The following COP1 variants were observed in gnomAD, a reference collection of about 807,000 sequenced individuals.
COP1 encodes the protein E3 ubiquitin-protein ligase COP1.
In COP1, 24 loss-of-function variants were observed where a neutral mutation model predicts 101.3. The ratio of observed to expected loss-of-function variants is 0.24; its 90% CI spans 0.17 to 0.33. The LOEUF (loss-of-function observed/expected upper bound fraction) is 0.33. Among genes scored for constraint, COP1 ranks in the 10% least tolerant of loss-of-function variants. The pLI is 1.00. For missense variants in COP1, 663 were observed against 906.2 expected (o/e 0.73, Z 3.45); for synonymous variants, 347 against 341.9 (o/e 1.01, Z -0.17).
intron 11 of COP1, among the ~76,000 whole-genome samples, chr1:176,071,765 T>C (rs1677048374): frequency 6.6e-6 from 1 of 152,236 alleles, no homozygotes; most frequent in African/African-American, 2.4e-5. Context: ...TCTACTTTTA[T>C]TTCTTGGATA....
intron 14 of COP1, 67 bp downstream of exon 14, chr1:176,043,119 G>A (rs763529889): frequency 2.5e-5 from 22 of 894,788 alleles, no homozygotes; most frequent in Non-Finnish European, 4.1e-5. Context: ...TATTTCTGCC[G>A]ATGAAAGGAA....
intron 11 of COP1, among the ~76,000 whole-genome samples, chr1:176,062,662 A>G (rs1352532934): frequency 6.6e-6 from 1 of 152,214 alleles, no homozygotes; most frequent in Non-Finnish European, 1.5e-5. Context: ...AAATATAAAC[A>G]TTAATATCCA....
Position 176,162,953 on chromosome 1 carries a change from C to T in COP1, c.678G>A (p.Leu226=), listed in dbSNP as rs1694558857. 14 of 1,607,710 alleles carry T rather than the reference C, an allele frequency of 8.7e-6. No homozygotes were observed. Among genetic ancestry groups the T allele is most frequent in the Non-Finnish European group, 1.2e-5 (14 of 1,177,058 alleles). The change falls in exon 5 of 20, where the codon TTG becomes TTA. Residue 226 remains leucine, a synonymous_variant. Transcript: ENST00000367669. The part of the protein sequence containing the change: ...GHRWQIFQDW[L]GTDQDNLDLA... Reference sequence around the variant, plus strand: ...AATCAAGGTTATCTTGGTCAGTTCCCAACCAATCTTGAAATATCTGCCACC... The same window carrying T: ...AATCAAGGTTATCTTGGTCAGTTCCTAACCAATCTTGAAATATCTGCCACC...
chr1:175,953,510 C>T (rs1650217059), intron 18 of COP1, among the ~76,000 whole-genome samples: 2 of 152,062 alleles, frequency 1.3e-5, no homozygotes, highest in Admixed American at 6.5e-5. Context: ...GTAATTCCAG[C>T]ACTTTGGGAG....
intron 18 of COP1, among the ~76,000 whole-genome samples, chr1:175,956,867 C>T (rs1419637108): frequency 2.0e-5 from 3 of 152,020 alleles, no homozygotes; most frequent in African/African-American, 7.2e-5. Context: ...GATGACAGCT[C>T]TATGTGTGTT....
At chr1:176,066,761 T>A (rs780357337) in intron 11 of COP1, among the ~76,000 whole-genome samples, 2 of 152,206 alleles carry the variant, frequency 1.3e-5, no homozygotes, top group Non-Finnish European at 2.9e-5. Flanking sequence ...CAAAAAATGA[T>A]AACTAGAACA....
chr1:175,946,025 C>A (rs1035307049), intron 19 of COP1, among the ~76,000 whole-genome samples: 1 of 152,076 alleles, frequency 6.6e-6, no homozygotes, highest in African/African-American at 2.4e-5. Flanking sequence ...GCTGGCAATC[C>A]CAATTGGTGT....
intron 18 of COP1, among the ~76,000 whole-genome samples, chr1:175,955,068 C>T (rs544668490): frequency 5.9e-5 from 9 of 151,826 alleles, no homozygotes; most frequent in South Asian, 2.1e-4. Context: ...GGCAATATGG[C>T]GAAACCCTCT....
At chr1:175,961,995 G>T (rs1467634469) in intron 18 of COP1, among the ~76,000 whole-genome samples, 1 of 152,054 alleles carries the variant, frequency 6.6e-6, no homozygotes, top group Non-Finnish European at 1.5e-5. Context: ...ATATGAGGTG[G>T]GGTAAGCATG....
intron 15 of COP1, among the ~76,000 whole-genome samples, chr1:176,006,092 C>T (rs1663124588): frequency 1.3e-5 from 2 of 152,176 alleles, no homozygotes; most frequent in South Asian, 4.1e-4. Context: ...GATCCCTTTA[C>T]CATTATGTAA....
intron 18 of COP1, among the ~76,000 whole-genome samples, chr1:175,951,123 C>G (rs1649836182): frequency 1.3e-5 from 2 of 151,988 alleles, no homozygotes; most frequent in African/African-American, 4.8e-5. Context: ...GTGGCACATG[C>G]CTGTAATCCC....
intron 15 of COP1, among the ~76,000 whole-genome samples, chr1:175,990,741 T>C (rs962460808): frequency 2.5e-4 from 38 of 152,158 alleles, no homozygotes; most frequent in African/African-American, 7.7e-4. Flanking sequence ...TTTCTAGTAC[T>C]GATTTCTACT....
intron 3 of COP1, among the ~76,000 whole-genome samples, chr1:176,169,544 CT>C (rs35161397): frequency 0.11 from 16,575 of 152,174 alleles, 991 homozygotes; most frequent in Middle Eastern, 0.16. Context: ...CATAAAAGTT[CT>C]GTTTACGCTA....
chr1:176,137,756 CAG>C (rs778824780), intron 6 of COP1, among the ~76,000 whole-genome samples: 10 of 152,092 alleles, frequency 6.6e-5, no homozygotes, highest in Non-Finnish European at 1.3e-4. Flanking sequence ...TAAGGGCAAA[CAG>C]GGTTTTTTAT....
chr1:175,945,694 A>G (rs1253377889), intron 19 of COP1, among the ~76,000 whole-genome samples: 1 of 152,232 alleles, frequency 6.6e-6, no homozygotes, highest in African/African-American at 2.4e-5. Flanking sequence ...ATAAAAAAGT[A>G]AGTTGTGATA....
At chr1:176,175,189 C>A (rs529667248) in intron 3 of COP1, among the ~76,000 whole-genome samples, 145 of 152,150 alleles carry the variant, frequency 9.5e-4, no homozygotes, top group Admixed American at 4.8e-3. Context: ...CAATATTCAA[C>A]AAACCTGAGT....
intron 18 of COP1, among the ~76,000 whole-genome samples, chr1:175,976,267 A>ATTTTTTTTTT (rs1225101059): frequency 1.2e-3 from 50 of 41,676 alleles, no homozygotes; most frequent in East Asian, 2.3e-3. Context: ...TCAATTAGTC[A>ATTTTTTTTTT]TTCTTTTTTT....
chr1:175,964,335 C>CA (rs1016667547), intron 18 of COP1, among the ~76,000 whole-genome samples: 19 of 151,334 alleles, frequency 1.3e-4, no homozygotes, highest in African/African-American at 2.9e-4. Flanking sequence ...AAAACAAAAA[C>CA]AAAAAAAAGC....
chr1:176,043,039 A>C, intron 14 of COP1, 147 bp downstream of exon 14: 1 of 618,616 alleles, frequency 1.6e-6, no homozygotes, highest in South Asian at 2.2e-5. Flanking sequence ...AAAAAACAAA[A>C]CAAAACAACA....
Sources: allele counts gnomAD v4.1 joint callset (sites outside exome capture counted in the v4.1 genomes callset), GRCh38; gene constraint gnomAD v4.1.1; transcripts MANE v1.5; gene names NCBI Gene and HGNC (gene_info 2026-07-23, HGNC 2026-07-21).